IGF2BP2: variants seen among roughly 807,000 people sequenced by gnomAD.
The protein encoded by IGF2BP2 is insulin-like growth factor 2 mRNA-binding protein 2.
In IGF2BP2, 17 loss-of-function variants were observed where a neutral mutation model predicts 75.8. The observed-to-expected ratio is 0.22, with a 90% CI of 0.15 to 0.34. The LOEUF is 0.34. Among genes scored for constraint, IGF2BP2 ranks in the 10% least tolerant of loss-of-function variants. The pLI, the probability that IGF2BP2 is intolerant of heterozygous loss-of-function variation, is 1.00. For synonymous variants in IGF2BP2, 288 were observed against 295.6 expected, an observed-to-expected ratio of 0.97 and a Z score of 0.26; for missense variants, 516 against 772.4, an observed-to-expected ratio of 0.67 and a Z score of 3.93.
chr3:185,797,815 G>A (rs1737631606), intron 2 of IGF2BP2, among the ~76,000 whole-genome samples: 1 of 148,228 alleles, frequency 6.7e-6, no homozygotes, highest in South Asian at 2.2e-4. Flanking sequence ...TGAGGTGGGA[G>A]AACCACGTGA....
At chr3:185,706,895 C>A (rs1413197136) in intron 2 of IGF2BP2, among the ~76,000 whole-genome samples, 1 of 151,910 alleles carries the variant, frequency 6.6e-6, no homozygotes, top group Non-Finnish European at 1.5e-5. Flanking sequence ...AGCGCACCAC[C>A]ACGCCTGGCT....
At chr3:185,746,446 C>T (rs548627951) in intron 2 of IGF2BP2, among the ~76,000 whole-genome samples, 2 of 152,180 alleles carry the variant, frequency 1.3e-5, no homozygotes, top group Admixed American at 6.5e-5. Context: ...AAAGCAGGGA[C>T]GGATCTACTT....
intron 2 of IGF2BP2, among the ~76,000 whole-genome samples, chr3:185,723,684 T>C (rs1726905102): frequency 1.3e-5 from 2 of 152,274 alleles, no homozygotes; most frequent in East Asian, 1.9e-4. Context: ...TGACACACAG[T>C]TTCTTCCTTA....
intron 10 of IGF2BP2, among the ~76,000 whole-genome samples, chr3:185,666,140 C>G (rs979288213): frequency 2.0e-5 from 3 of 152,118 alleles, no homozygotes. Flanking sequence ...TACAGAAAGG[C>G]TTAGAAATTA....
At chr3:185,749,943 A>G (rs1304581930) in intron 2 of IGF2BP2, among the ~76,000 whole-genome samples, 1 of 152,120 alleles carries the variant, frequency 6.6e-6, no homozygotes, top group Non-Finnish European at 1.5e-5. Flanking sequence ...CTGGGCATTT[A>G]TCACCCACGC....
chr3:185,799,594 C>CA (rs1314503112), intron 2 of IGF2BP2, among the ~76,000 whole-genome samples: 1 of 151,562 alleles, frequency 6.6e-6, no homozygotes, highest in African/African-American at 2.4e-5. Flanking sequence ...TAAAAAAATA[C>CA]AAAAAAAATT....
At chr3:185,675,533 A>C (rs1719199306) in intron 8 of IGF2BP2, 102 bp from the exon 9 acceptor site, 2 of 1,348,908 alleles carry the variant, frequency 1.5e-6, no homozygotes, top group Non-Finnish European at 2.1e-6. Flanking sequence ...GAGAGAGAAG[A>C]CTCAATTCCC....
At chr3:185,800,714 A>C (rs75917468) in intron 2 of IGF2BP2, among the ~76,000 whole-genome samples, 6 of 60,430 alleles carry the variant, frequency 9.9e-5, no homozygotes, top group African/African-American at 6.8e-4. Flanking sequence ...GACTGAGCCA[A>C]AAAAAAAGAA....
intron 2 of IGF2BP2, among the ~76,000 whole-genome samples, chr3:185,719,257 A>G (rs1328921703): frequency 6.6e-6 from 1 of 152,164 alleles, no homozygotes; most frequent in African/African-American, 2.4e-5. Context: ...TATTTGTGAG[A>G]TAAGGATAGT....
Position 185,757,270 on chromosome 3 carries a change from C to T in IGF2BP2, c.240-58923G>A, listed in dbSNP as rs115212928. Among the ~76,000 whole-genome samples, 386 of 152,290 alleles carry T rather than the reference C, an allele frequency of 2.5e-3. 1 individual carries two copies. Among genetic ancestry groups the T allele is most frequent in the African/African-American group, 8.7e-3 (360 of 41,560 alleles). ...AAAAGCTACTAAGCACTTGCCTCTG[C>T]ATTCTCATTCATTCAAAAAGTATTT... On this transcript the variant is annotated intron_variant, in intron 2 of 15. Coordinates refer to ENST00000382199, the MANE Select transcript of IGF2BP2 (RefSeq NM_006548.6).
chr3:185,651,369 T>C (rs1714571354), intron 13 of IGF2BP2, among the ~76,000 whole-genome samples: 1 of 151,942 alleles, frequency 6.6e-6, no homozygotes, highest in South Asian at 2.1e-4. Flanking sequence ...TTACTGTTTT[T>C]TGTTATCTTT....
rs372089827 is a variant in IGF2BP2, at chr3:185,661,562, G to A, written c.1201-3153C>T. On this transcript the variant is annotated intron_variant, in intron 10 of 15. Transcript: ENST00000382199. ...TGAGGTGGGAGAATCGCTTGAACCC[G>A]GGAGACAAGAGGTTTCAGTGAGCCG... Among the ~76,000 whole-genome samples, 15 of 150,760 alleles carry A rather than the reference G, an allele frequency of 9.9e-5. No individual in the cohort carries two copies. The East Asian group carries it at 2.5e-3, about 26-fold the overall frequency.
chr3:185,657,226 A>C (rs1715589256), intron 12 of IGF2BP2, 60 bp downstream of exon 12: 1 of 1,152,250 alleles, frequency 8.7e-7, no homozygotes, highest in Admixed American at 1.7e-5. Flanking sequence ...AGAGGGAACA[A>C]GGGCCGTGGG....
intron 2 of IGF2BP2, among the ~76,000 whole-genome samples, chr3:185,731,078 C>G (rs1188256879): frequency 6.6e-6 from 1 of 151,980 alleles, no homozygotes; most frequent in Non-Finnish European, 1.5e-5. Context: ...TTTAAAACTT[C>G]CTCGGTTTTA....
At chr3:185,812,800 T>C (rs1036154985) in intron 2 of IGF2BP2, among the ~76,000 whole-genome samples, 4 of 152,188 alleles carry the variant, frequency 2.6e-5, no homozygotes, top group Non-Finnish European at 4.4e-5. Context: ...TCCCATAAAT[T>C]TGGCATCTCC....
chr3:185,777,990 G>A (rs1272467786), intron 2 of IGF2BP2, among the ~76,000 whole-genome samples: 1 of 151,972 alleles, frequency 6.6e-6, no homozygotes, highest in African/African-American at 2.4e-5. Context: ...GTTGCAGTGA[G>A]CCGAGATTGC....
At chr3:185,714,339 AAAGT>A (rs1725272337) in intron 2 of IGF2BP2, among the ~76,000 whole-genome samples, 1 of 152,178 alleles carries the variant, frequency 6.6e-6, no homozygotes, top group Non-Finnish European at 1.5e-5. Flanking sequence ...CTGTTTCCAA[AAAGT>A]AAGTAAATGC....
intron 2 of IGF2BP2, among the ~76,000 whole-genome samples, chr3:185,797,699 T>A (rs1044597661): frequency 6.6e-6 from 1 of 150,538 alleles, no homozygotes; most frequent in Non-Finnish European, 1.5e-5. Context: ...GGCCCAGGAG[T>A]TCGAGACCAG....
chr3:185,713,755 C>T (rs1279788355), intron 2 of IGF2BP2, among the ~76,000 whole-genome samples: 1 of 152,166 alleles, frequency 6.6e-6, no homozygotes, highest in Non-Finnish European at 1.5e-5. Context: ...GGCTGGAGTG[C>T]AGTGGCGCAA....
Sources: allele counts gnomAD v4.1 joint callset (sites outside exome capture counted in the v4.1 genomes callset), GRCh38; gene constraint gnomAD v4.1.1; transcripts MANE v1.5; gene names NCBI Gene and HGNC (gene_info 2026-07-23, HGNC 2026-07-21).